The following IKZF1 variants were observed in gnomAD, a reference collection of about 807,000 sequenced individuals.
The protein encoded by IKZF1 is IKAROS family zinc finger 1.
IKZF1 carries 10 observed loss-of-function variants against 51.7 expected under a neutral mutation model. The ratio of observed to expected loss-of-function variants is 0.19; its 90% CI spans 0.12 to 0.33. IKZF1 has a LOEUF of 0.33. IKZF1 is among the 10% of genes least tolerant of loss of function. The pLI is 1.00. For missense variants in IKZF1, 484 were observed against 707.5 expected (o/e 0.68, Z 3.58); for synonymous variants, 280 against 282.3 (o/e 0.99, Z 0.08).
In IKZF1 at chr7:50,403,756, G is replaced by A; in HGVS notation, c.*3129G>A. The A allele has an allele frequency of 4.4e-6, 1 of 228,600 alleles. No individual in the cohort carries two copies. The allele number at this position is 228,600 out of a possible 1,614,324, so 14.2% of individuals were successfully genotyped here. A position where few individuals can be genotyped will look rare whatever the true frequency, so the allele number is the denominator to read the frequency against. On this transcript the variant is annotated 3_prime_UTR_variant, in exon 8 of 8. Coordinates refer to ENST00000331340, the MANE Select transcript of IKZF1 (RefSeq NM_006060.6). ...AATAAAATCTTAGAATCTTCCTTGA[G>A]AAAGAGCTGCCTGAGATGTAGTTTT... is the stretch of plus-strand genomic sequence containing the variant.
chr7:50,353,584 G>A (rs1268992863), intron 3 of IKZF1, among the ~76,000 whole-genome samples: 1 of 152,170 alleles, frequency 6.6e-6, no homozygotes, highest in Non-Finnish European at 1.5e-5. Context: ...GGACATCCTG[G>A]CCGGAAGAGT....
At chr7:50,396,999 G>A (rs1172430297) in intron 7 of IKZF1, among the ~76,000 whole-genome samples, 1 of 152,204 alleles carries the variant, frequency 6.6e-6, no homozygotes, top group African/African-American at 2.4e-5. Flanking sequence ...TCTGATTCTT[G>A]TCAGCCAAGG....
At chr7:50,393,193 G>A (rs1230662905) in intron 7 of IKZF1, among the ~76,000 whole-genome samples, 1 of 152,156 alleles carries the variant, frequency 6.6e-6, no homozygotes, top group East Asian at 1.9e-4. Flanking sequence ...TAGGGCTGGG[G>A]GCAGGGATTA....
intron 3 of IKZF1, among the ~76,000 whole-genome samples, chr7:50,332,828 A>G (rs1411222808): frequency 2.6e-5 from 4 of 152,210 alleles, no homozygotes; most frequent in African/African-American, 9.6e-5. Flanking sequence ...GAGATAAGGT[A>G]TATTTCTATA....
chr7:50,363,211 C>T (rs954166287), intron 3 of IKZF1, among the ~76,000 whole-genome samples: 9 of 152,130 alleles, frequency 5.9e-5, no homozygotes, highest in Non-Finnish European at 1.0e-4. Context: ...GGCAGAATGA[C>T]GAGGATCAAG....
chr7:50,384,242 C>T (rs1018449614), intron 5 of IKZF1, among the ~76,000 whole-genome samples: 2 of 152,224 alleles, frequency 1.3e-5, no homozygotes, highest in East Asian at 3.8e-4. Context: ...CGGTCTCACT[C>T]CTGGCAGGTG....
chr7:50,339,371 A>G (rs1798539022), intron 3 of IKZF1, among the ~76,000 whole-genome samples: 2 of 152,040 alleles, frequency 1.3e-5, no homozygotes, highest in African/African-American at 4.8e-5. Flanking sequence ...GAAGTCACAA[A>G]CTGGAAATGT....
chr7:50,355,302 C>T (rs577558681), intron 3 of IKZF1, among the ~76,000 whole-genome samples: 10 of 152,334 alleles, frequency 6.6e-5, no homozygotes, highest in African/African-American at 2.2e-4. Context: ...CTCGGATGAT[C>T]CTGCCTAGCC....
Position 50,391,853 on chromosome 7 carries a change from G to C in IKZF1, c.840G>C (p.Gln280His). The change falls in exon 7 of 8, where the codon CAG becomes CAC. Residue 280 changes from glutamine to histidine, a missense_variant. Physicochemically the swap from Gln to His is conservative, Grantham distance 24. Around this residue, in one of 6 missense-constraint regions of IKZF1, gnomAD observed 172 missense variants for 192.7 expected, o/e 0.89. Transcript: ENST00000331340. ...NVAKRKSSMP[Q>H]KFLGDKGLSD... ...CCAAACGTAAGAGCTCTATGCCTCA[G>C]AAATTTCTTGGTAAGAGTTAAATGT... The C allele has an allele frequency of 6.2e-7, 1 of 1,612,410 alleles. No individual in the cohort carries two copies. Among genetic ancestry groups the C allele is most frequent in the Non-Finnish European group, 8.5e-7 (1 of 1,179,170 alleles).
chr7:50,381,380 T>C (rs1339712798), intron 4 of IKZF1, among the ~76,000 whole-genome samples: 1 of 152,262 alleles, frequency 6.6e-6, no homozygotes, highest in East Asian at 1.9e-4. Flanking sequence ...AGCATTCTTC[T>C]TCTAAATAAA....
intron 1 of IKZF1, among the ~76,000 whole-genome samples, chr7:50,317,796 T>C (rs957358010): frequency 6.6e-6 from 1 of 152,244 alleles, no homozygotes; most frequent in African/African-American, 2.4e-5. Flanking sequence ...ATATATTATA[T>C]ATAACACTTC....
intron 1 of IKZF1, among the ~76,000 whole-genome samples, chr7:50,316,702 C>T (rs1791644100): frequency 6.6e-6 from 1 of 152,240 alleles, no homozygotes; most frequent in Non-Finnish European, 1.5e-5. Flanking sequence ...GTTCTCACAT[C>T]TCACCGCCTG....
rs1487438259 is a variant in IKZF1 at position 50,361,615 on chromosome 7, C to T, written c.161-14918C>T. On this transcript the variant is annotated intron_variant, in intron 3 of 7. Transcript: ENST00000331340. ...AATCCTGGCCAGGCACAGTGGCTCA[C>T]GCCTGTAATCCCAGCACTTTGGGAG... Among the ~76,000 whole-genome samples, 11 of 152,318 alleles carry T rather than the reference C, an allele frequency of 7.2e-5. No individual in the cohort carries two copies. The South Asian group carries it at 8.3e-4, about 11-fold the overall frequency.
At chr7:50,332,724 G>C (rs1332685205) in intron 3 of IKZF1, among the ~76,000 whole-genome samples, 1 of 152,206 alleles carries the variant, frequency 6.6e-6, no homozygotes, top group African/African-American at 2.4e-5. Flanking sequence ...GCCTGGGACA[G>C]GGCTTACTAA....
At chr7:50,317,490 G>A (rs1378994700) in intron 1 of IKZF1, among the ~76,000 whole-genome samples, 1 of 152,156 alleles carries the variant, frequency 6.6e-6, no homozygotes, top group Non-Finnish European at 1.5e-5. Flanking sequence ...TTTTGGAAAT[G>A]CTTGTGCTGG....
At chr7:50,335,676 C>T (rs1015815808) in intron 3 of IKZF1, among the ~76,000 whole-genome samples, 6 of 134,702 alleles carry the variant, frequency 4.5e-5, no homozygotes, top group Admixed American at 1.5e-4. Flanking sequence ...GTATGGGAAG[C>T]GTGGTATGTG....
At chr7:50,344,423 T>C (rs183305225) in intron 3 of IKZF1, among the ~76,000 whole-genome samples, 6 of 152,326 alleles carry the variant, frequency 3.9e-5, no homozygotes, top group African/African-American at 1.4e-4. Flanking sequence ...GCCAGGTTCC[T>C]TCTCTTCACA....
At chr7:50,365,840 A>G (rs1806755311) in intron 3 of IKZF1, among the ~76,000 whole-genome samples, 1 of 152,240 alleles carries the variant, frequency 6.6e-6, no homozygotes, top group African/African-American at 2.4e-5. Flanking sequence ...TTGTTGCAGC[A>G]CTATTCACGA....
At chr7:50,386,089 G>T (rs1249171678) in intron 5 of IKZF1, among the ~76,000 whole-genome samples, 1 of 152,212 alleles carries the variant, frequency 6.6e-6, no homozygotes, top group African/African-American at 2.4e-5. Context: ...GAAAGAAGTA[G>T]AAGATTCTGC....
Sources: allele counts gnomAD v4.1 joint callset (sites outside exome capture counted in the v4.1 genomes callset), GRCh38; gene constraint gnomAD v4.1.1; regional missense constraint gnomAD v4.1.1; transcripts MANE v1.5; gene names NCBI Gene and HGNC (gene_info 2026-07-23, HGNC 2026-07-21).